The following PDZD8 variants were observed in gnomAD, a reference collection of about 807,000 sequenced individuals.
The protein encoded by PDZD8 is PDZ domain-containing protein 8.
PDZD8 carries 14 observed loss-of-function variants against 85.8 expected under a neutral mutation model. The observed-to-expected ratio is 0.16, with a 90% CI of 0.11 to 0.26. The LOEUF is 0.26. Among genes scored for constraint, PDZD8 ranks in the 10% least tolerant of loss-of-function variants. The probability of loss-of-function intolerance (pLI) is 1.00; values close to 1 mark genes in which losing one functional copy is unlikely to be tolerated. For missense variants in PDZD8, 1,197 were observed against 1,424.3 expected (o/e 0.84, Z 2.57); for synonymous variants, 592 against 568.6 (o/e 1.04, Z -0.59).
At chr10:117,338,560 C>T (rs944166146) in intron 2 of PDZD8, among the ~76,000 whole-genome samples, 2 of 152,192 alleles carry the variant, frequency 1.3e-5, no homozygotes, top group African/African-American at 4.8e-5. Flanking sequence ...TAGTGAATAG[C>T]TGGGCTATCA....
At chr10:117,293,634 T>G (rs1843705377) in intron 3 of PDZD8, among the ~76,000 whole-genome samples, 1 of 152,120 alleles carries the variant, frequency 6.6e-6, no homozygotes, top group Admixed American at 6.6e-5. Context: ...GAGGTATAAC[T>G]TGGTTTCTTC....
At chr10:117,329,122 C>G (rs1365901631) in intron 2 of PDZD8, among the ~76,000 whole-genome samples, 1 of 152,080 alleles carries the variant, frequency 6.6e-6, no homozygotes, top group Admixed American at 6.6e-5. Flanking sequence ...TATATAATGA[C>G]CAGAAGCAAG....
chr10:117,362,065 C>A (rs1259515330), intron 1 of PDZD8, among the ~76,000 whole-genome samples: 6 of 152,086 alleles, frequency 3.9e-5, no homozygotes, highest in Non-Finnish European at 7.4e-5. Flanking sequence ...TTATAACTGT[C>A]CAGCTTTCTC....
rs1844561742 is a variant in PDZD8 at position 117,280,531 on chromosome 10, T to C, written c.*2737A>G. The C allele has an allele frequency of 6.6e-6, 1 of 152,206 alleles. No homozygotes were observed. The highest frequency in any genetic ancestry group is 2.1e-4 in the South Asian group (1 of 4,828). The allele number at this position is 152,206 out of a possible 1,614,324, so 9.4% of individuals were successfully genotyped here. On this transcript the variant is annotated 3_prime_UTR_variant, in exon 5 of 5. Coordinates refer to ENST00000334464, the MANE Select transcript of PDZD8 (RefSeq NM_173791.5). The stretch of plus-strand genomic sequence containing the variant: ...AGTCTTTATTATTATTTTTTAGCTA[T>C]TGATACATAGCATGGCAGCAAGATT...
intron 2 of PDZD8, among the ~76,000 whole-genome samples, chr10:117,332,285 C>T (rs576830399): frequency 6.6e-6 from 1 of 152,028 alleles, no homozygotes; most frequent in East Asian, 1.9e-4. Context: ...ATCGTTCCCT[C>T]CAAGAAAAAA....
Position 117,284,926 on chromosome 10 carries a change from A to G in PDZD8, c.1807T>C (p.Ser603Pro). Residue 603 changes from serine (S) to proline (P), a missense_variant, in exon 5 of 5, where the codon TCC becomes CCC. Ser to Pro is a moderately conservative substitution (Grantham distance 74). Coordinates refer to ENST00000334464, the MANE Select transcript of PDZD8 (RefSeq NM_173791.5). ...TCTGCCTGATTTGGAGCATCGGCGGAAGGCAAAGGAACTTTCGCTTGTGGT... is the reference window on the plus strand; with the variant it reads ...TCTGCCTGATTTGGAGCATCGGCGGGAGGCAAAGGAACTTTCGCTTGTGGT... ...PRPQAKVPLP[S>P]ADAPNQAEPD... 1 of 1,614,136 alleles carries G rather than the reference A, an allele frequency of 6.2e-7. No individual in the cohort carries two copies. Among genetic ancestry groups the G allele is most frequent in the Non-Finnish European group, 8.5e-7 (1 of 1,180,014 alleles).
At chr10:117,358,120 CAAAT>C (rs1844932477) in intron 1 of PDZD8, among the ~76,000 whole-genome samples, 1 of 151,990 alleles carries the variant, frequency 6.6e-6, no homozygotes, top group Non-Finnish European at 1.5e-5. Context: ...AATAAAAAGT[CAAAT>C]AAAAAAGTTC....
chr10:117,338,831 G>T (rs748549003), intron 2 of PDZD8, among the ~76,000 whole-genome samples: 2 of 152,096 alleles, frequency 1.3e-5, no homozygotes, highest in Non-Finnish European at 2.9e-5. Flanking sequence ...GAGCAGTACT[G>T]CAGGTAAAGC....
intron 1 of PDZD8, among the ~76,000 whole-genome samples, chr10:117,368,851 G>GC: frequency 1.0e-5 from 1 of 99,070 alleles, no homozygotes; most frequent in East Asian, 2.6e-4. Flanking sequence ...TATTGACAAT[G>GC]TTTTTTTTTT....
chr10:117,290,352 T>A lies in PDZD8; in HGVS notation c.1099-4A>T. 1 of 1,586,822 alleles carries A rather than the reference T, an allele frequency of 6.3e-7. No individual in the cohort carries two copies. Among genetic ancestry groups the A allele is most frequent in the Non-Finnish European group, 8.6e-7 (1 of 1,165,320 alleles). ...AATTTCCTTTTATTAATTCAACCTT[T>A]GATAAAGGGGAAAAAAATGAAAACT... On this transcript the variant is annotated splice_region_variant and splice_polypyrimidine_tract_variant and intron_variant, in intron 3 of 4. Coordinates refer to ENST00000334464, the MANE Select transcript of PDZD8 (RefSeq NM_173791.5).
intron 3 of PDZD8, among the ~76,000 whole-genome samples, chr10:117,301,978 T>C (rs940605470): frequency 2.6e-5 from 4 of 152,180 alleles, no homozygotes; most frequent in Admixed American, 6.5e-5. Context: ...TAGACTACTA[T>C]TACTCAATTT....
chr10:117,311,248 T>C (rs1007872690), intron 3 of PDZD8, among the ~76,000 whole-genome samples: 21 of 59,310 alleles, frequency 3.5e-4, no homozygotes, highest in Non-Finnish European at 9.0e-4. Context: ...TTCACAAAAT[T>C]AATATTGAGT....
At chr10:117,294,327 C>CAAAA (rs71013656) in intron 3 of PDZD8, among the ~76,000 whole-genome samples, 5 of 142,628 alleles carry the variant, frequency 3.5e-5, no homozygotes, top group African/African-American at 8.1e-5. Flanking sequence ...ACCAAAAAGA[C>CAAAA]AAAAAAAAAA....
At chr10:117,325,390 T>G (rs1162183243) in intron 2 of PDZD8, among the ~76,000 whole-genome samples, 1 of 127,090 alleles carries the variant, frequency 7.9e-6, no homozygotes, top group African/African-American at 2.9e-5. Flanking sequence ...TATCAAAAGT[T>G]CCAGAAAAGC....
At chr10:117,341,695 G>A (rs1316995425) in intron 1 of PDZD8, among the ~76,000 whole-genome samples, 4 of 152,078 alleles carry the variant, frequency 2.6e-5, no homozygotes, top group Non-Finnish European at 5.9e-5. Context: ...TAATGACAAG[G>A]AAAAAAGTCT....
In PDZD8 at chr10:117,290,288, TTGACTGGACAAGACG is replaced by T. The variant is rs1589996122; in HGVS notation, c.1144_1158del (p.Arg382_Ser386del). 1.2e-6 allele frequency: 2 copies of T among 1,613,866 alleles called. No homozygotes were observed. Among genetic ancestry groups the T allele is most frequent in the Non-Finnish European group, 1.7e-6 (2 of 1,179,776 alleles). On this transcript the variant is annotated inframe_deletion, in exon 4 of 5. Transcript: ENST00000334464. ...ATGACGTGCCCAGCATACCCATCAG[TTGACTGGACAAGACG>T]AAGTGTAAGTCCAACACTTTGTAAA...
In PDZD8 at chr10:117,375,299, C is replaced by A. The variant is rs1391472570; in HGVS notation, c.-72G>T. The A allele has an allele frequency of 4.4e-6, 6 of 1,351,026 alleles. No individual in the cohort carries two copies. Among genetic ancestry groups the A allele is most frequent in the Non-Finnish European group, 5.8e-6 (6 of 1,031,232 alleles). The allele number at this position is 1,351,026 out of a possible 1,614,324, so 83.7% of individuals were successfully genotyped here. A position where few individuals can be genotyped will look rare whatever the true frequency, so the allele number is the denominator to read the frequency against. On this transcript the variant is annotated 5_prime_UTR_variant, in exon 1 of 5. Coordinates refer to ENST00000334464, the MANE Select transcript of PDZD8 (RefSeq NM_173791.5). ...CGCTTTCTTCACGCCGCCGCCCCCG[C>A]TGCCTCCATTTTGAGGACATCGGGC...
chr10:117,310,347 C>CCT (rs1399435682), intron 3 of PDZD8, among the ~76,000 whole-genome samples: 33 of 152,294 alleles, frequency 2.2e-4, no homozygotes, highest in African/African-American at 7.5e-4. Flanking sequence ...GCTCTGATTT[C>CCT]CCTACTACGA....
At chr10:117,369,203 G>C (rs1845144800) in intron 1 of PDZD8, among the ~76,000 whole-genome samples, 1 of 152,004 alleles carries the variant, frequency 6.6e-6, no homozygotes, top group South Asian at 2.1e-4. Flanking sequence ...CTGTTGCCCA[G>C]GCTGGAGTGC....
Sources: gnomAD v4.1 joint callset for allele counts (sites outside exome capture counted in the v4.1 genomes callset) on GRCh38, gnomAD v4.1.1 for gene constraint, MANE v1.5 for transcripts, NCBI Gene and HGNC (gene_info 2026-07-23, HGNC 2026-07-21) for gene names.